The following ZFYVE9 variants were observed in gnomAD, a reference collection of about 807,000 sequenced individuals.
ZFYVE9 encodes the protein zinc finger FYVE domain-containing protein 9.
Under a neutral mutation model 126.7 loss-of-function variants are expected in ZFYVE9, and 43 were observed. The ratio of observed to expected loss-of-function variants is 0.34; its 90% CI spans 0.27 to 0.44. The LOEUF (loss-of-function observed/expected upper bound fraction) is 0.44, where lower values mean the gene tolerates loss of function less well. Ranked by LOEUF, ZFYVE9 falls within the 20% of genes least tolerant of loss-of-function variation. The probability of loss-of-function intolerance (pLI) is 1.00; values close to 1 mark genes in which losing one functional copy is unlikely to be tolerated. For synonymous variants in ZFYVE9, 521 were observed against 597.4 expected (o/e 0.87, Z 1.87); for missense variants, 1,476 against 1,697.0 (o/e 0.87, Z 2.29).
rs896421826 is a variant in ZFYVE9, at chr1:52,185,694, C to T, written c.-142-30675C>T. Among the ~76,000 whole-genome samples the T allele has an allele frequency of 9.2e-5, 14 of 152,172 alleles. No homozygotes were observed. In the East Asian group the frequency reaches 1.2e-3, roughly 13 times the overall value. On this transcript the variant is annotated intron_variant, in intron 1 of 18. Transcript: ENST00000287727. ...ATCCCAGCACTTTTGGAGGCCAAGG[C>T]GGGCAGATCACAAGGTCAAGAAATC...
At chr1:52,341,369 G>A (rs544093147) in intron 17 of ZFYVE9, among the ~76,000 whole-genome samples, 1 of 152,322 alleles carries the variant, frequency 6.6e-6, no homozygotes, top group Non-Finnish European at 1.5e-5. Flanking sequence ...TCCTTAACTT[G>A]AAAGCTGTAT....
At chr1:52,340,337 C>A in intron 17 of ZFYVE9, 106 bp downstream of exon 17, 2 of 791,270 alleles carry the variant, frequency 2.5e-6, no homozygotes, top group East Asian at 2.5e-5. Context: ...AAAAATATCT[C>A]TGAGAAAAAT....
intron 13 of ZFYVE9, among the ~76,000 whole-genome samples, chr1:52,322,538 C>T (rs980039968): frequency 4.6e-5 from 7 of 151,626 alleles, no homozygotes; most frequent in South Asian, 2.1e-4. Context: ...CCACCATGCC[C>T]GGCTAATTTT....
chr1:52,298,688 A>T (rs1646001414), intron 12 of ZFYVE9, among the ~76,000 whole-genome samples: 1 of 150,978 alleles, frequency 6.6e-6, no homozygotes, highest in African/African-American at 2.4e-5. Context: ...TGTGAAGAAT[A>T]TCATTGGCAT....
chr1:52,255,912 T>TCTTTC lies in ZFYVE9; in HGVS notation c.2179-7857_2179-7856insCCTTT, dbSNP rs1645504538. On this transcript the variant is annotated intron_variant, in intron 4 of 18. Coordinates refer to ENST00000287727, the MANE Select transcript of ZFYVE9 (RefSeq NM_004799.4). ...GCTATTTTGCTTTTTTCTTTTCTTT[T>TCTTTC]CTTTTCTTTTCTTTTCTTTTCTTTT... 1.3e-3 allele frequency among the ~76,000 whole-genome samples: 84 copies of TCTTTC among 62,822 alleles called. 3 individuals are homozygous for TCTTTC. The highest frequency in any genetic ancestry group is 8.4e-3 in the African/African-American group (79 of 9,366). 41.2% of individuals were successfully genotyped at this position (62,822 alleles called of 152,430 possible). A position where few individuals can be genotyped will look rare whatever the true frequency, so the allele number is the denominator to read the frequency against.
chr1:52,294,225 T>A (rs1394848558), intron 11 of ZFYVE9, among the ~76,000 whole-genome samples: 4 of 152,248 alleles, frequency 2.6e-5, no homozygotes, highest in Admixed American at 6.5e-5. Flanking sequence ...TGCCCTGTGC[T>A]AGGAATCCGA....
intron 1 of ZFYVE9, among the ~76,000 whole-genome samples, chr1:52,161,861 T>C (rs760988510): frequency 1.3e-5 from 2 of 151,862 alleles, no homozygotes; most frequent in Non-Finnish European, 2.9e-5. Context: ...AGATCTCTAA[T>C]ACAATATCTA....
At chr1:52,187,076 T>C (rs1644772220) in intron 1 of ZFYVE9, among the ~76,000 whole-genome samples, 1 of 151,984 alleles carries the variant, frequency 6.6e-6, no homozygotes, top group Non-Finnish European at 1.5e-5. Flanking sequence ...TATACTACAG[T>C]GCTACAGTAA....
At chr1:52,196,824 G>A (rs548092961) in intron 1 of ZFYVE9, among the ~76,000 whole-genome samples, 14 of 152,132 alleles carry the variant, frequency 9.2e-5, no homozygotes, top group Non-Finnish European at 1.8e-4. Flanking sequence ...ATACTCTTGA[G>A]GAATAAGATG....
At chr1:52,265,492 G>A (rs1645625139) in intron 5 of ZFYVE9, among the ~76,000 whole-genome samples, 1 of 152,106 alleles carries the variant, frequency 6.6e-6, no homozygotes. Flanking sequence ...ATAAAATTTG[G>A]TATCTTTCAT....
intron 1 of ZFYVE9, among the ~76,000 whole-genome samples, chr1:52,176,964 C>T (rs575857198): frequency 6.6e-6 from 1 of 152,312 alleles, no homozygotes; most frequent in South Asian, 2.1e-4. Context: ...CAATGCCTTG[C>T]CCTGCTTCGG....
At chr1:52,337,656 T>G (rs929410525) in intron 15 of ZFYVE9, 116 bp from the exon 16 acceptor site, 8 of 1,193,152 alleles carry the variant, frequency 6.7e-6, no homozygotes, top group African/African-American at 1.5e-5. Flanking sequence ...GCAAAACCTC[T>G]GTATCAGTCA....
At chr1:52,345,233 C>T (rs988950922) in intron 18 of ZFYVE9, among the ~76,000 whole-genome samples, 3 of 152,166 alleles carry the variant, frequency 2.0e-5, no homozygotes, top group Non-Finnish European at 2.9e-5. Context: ...CCTGCCAGGT[C>T]CTGCCTTGAT....
intron 10 of ZFYVE9, among the ~76,000 whole-genome samples, chr1:52,286,238 A>G (rs377625466): frequency 1.5e-4 from 23 of 152,206 alleles, no homozygotes; most frequent in African/African-American, 5.5e-4. Flanking sequence ...ATTGTATCTT[A>G]AATTTCTCCT....
intron 10 of ZFYVE9, among the ~76,000 whole-genome samples, chr1:52,285,914 G>A (rs1645853532): frequency 6.6e-6 from 1 of 152,088 alleles, no homozygotes; most frequent in African/African-American, 2.4e-5. Flanking sequence ...CAGCACTTTG[G>A]CAGGCCAAGC....
chr1:52,255,972 CTTTCTT>C (rs1645511633), intron 4 of ZFYVE9, among the ~76,000 whole-genome samples: 1 of 87,058 alleles, frequency 1.1e-5, no homozygotes, highest in South Asian at 3.6e-4. Context: ...TCTTTTCTTT[CTTTCTT>C]TCTTTCCTTC....
chr1:52,149,491 A>G (rs1644334714), intron 1 of ZFYVE9, among the ~76,000 whole-genome samples: 1 of 152,164 alleles, frequency 6.6e-6, no homozygotes. Context: ...GTCTAGTTTC[A>G]TATTAACATT....
intron 4 of ZFYVE9, among the ~76,000 whole-genome samples, chr1:52,255,898 TTTTTC>T (rs71577260): frequency 0.1 from 10,268 of 101,786 alleles, 743 homozygotes; most frequent in Non-Finnish European, 0.13. Flanking sequence ...CTATTTTGCT[TTTTTC>T]TTTTCTTTTC....
intron 9 of ZFYVE9, among the ~76,000 whole-genome samples, chr1:52,279,135 A>G (rs1330246130): frequency 2.0e-5 from 3 of 152,142 alleles, no homozygotes; most frequent in East Asian, 1.9e-4. Context: ...AAACTCTCAC[A>G]TTTAGTTACA....
Sources: gnomAD v4.1 joint callset for allele counts (sites outside exome capture counted in the v4.1 genomes callset) on GRCh38, gnomAD v4.1.1 for gene constraint, MANE v1.5 for transcripts, NCBI Gene and HGNC (gene_info 2026-07-23, HGNC 2026-07-21) for gene names.